AFDN: variants seen among roughly 807,000 people sequenced by gnomAD.
AFDN encodes afadin, adherens junction formation factor, also known as afadin.
In AFDN, 68 loss-of-function variants were observed where a neutral mutation model predicts 216.6. The observed-to-expected ratio is 0.31, with a 90% CI of 0.26 to 0.38. The LOEUF (loss-of-function observed/expected upper bound fraction) is 0.38. Among genes scored for constraint, AFDN ranks in the 10% least tolerant of loss-of-function variants. The pLI is 1.00. For synonymous variants in AFDN, 868 were observed against 853.7 expected (o/e 1.02, Z -0.29); for missense variants, 2,136 against 2,342.0 (o/e 0.91, Z 1.82).
intron 15 of AFDN, 80 bp downstream of exon 15, chr6:167,911,569 G>T: frequency 3.1e-6 from 4 of 1,277,296 alleles, no homozygotes; most frequent in Non-Finnish European, 4.5e-6. Flanking sequence ...CTTCTTTAAG[G>T]CTTCTCATTT....
At chr6:167,918,704 CTT>C (rs1490924609) in intron 20 of AFDN, 29 bp from the exon 21 acceptor site, 4 of 1,610,658 alleles carry the variant, frequency 2.5e-6, no homozygotes, top group Non-Finnish European at 2.5e-6. Context: ...GTGAGCATCT[CTT>C]TTTAATTTTG....
chr6:167,937,709 A>C (rs1794182434), intron 23 of AFDN, among the ~76,000 whole-genome samples: 1 of 152,248 alleles, frequency 6.6e-6, no homozygotes, highest in South Asian at 2.1e-4. Flanking sequence ...CCTGACAATC[A>C]TGGATTTGAG....
Position 167,839,775 on chromosome 6 carries a change from A to C in AFDN, c.105+12538A>C, listed in dbSNP as rs139607704. Reference sequence around the variant, plus strand: ...CTTTTTCTCAAAAAGCTCCCATTTCAGTATGGGAGATAAATTGGGGAAAAA... The same window carrying C: ...CTTTTTCTCAAAAAGCTCCCATTTCCGTATGGGAGATAAATTGGGGAAAAA... On this transcript the variant is annotated intron_variant, in intron 1 of 33. Transcript: ENST00000683244. Among the ~76,000 whole-genome samples the C allele has an allele frequency of 3.8e-3, 582 of 152,320 alleles. 2 individuals are homozygous for C. The highest frequency in any genetic ancestry group is 0.013 in the African/African-American group (547 of 41,566).
chr6:167,963,451 A>G lies in AFDN; in HGVS notation c.4968+884A>G, dbSNP rs574424131. On this transcript the variant is annotated intron_variant, in intron 31 of 33. Coordinates refer to ENST00000683244, the MANE Select transcript of AFDN (RefSeq NM_001386888.1). The stretch of plus-strand genomic sequence containing the variant: ...TTTTATTAATAATTCCTTCTTGGAT[A>G]GTCTAGTGAACTATATTAATAGAAC... 1,159 of 1,053,094 alleles carry G rather than the reference A, an allele frequency of 1.1e-3. 5 individuals carry two copies. In the African/African-American group the frequency reaches 0.018, roughly 16 times the overall value. 65.2% of individuals were successfully genotyped at this position (1,053,094 alleles called of 1,614,324 possible). A position where few individuals can be genotyped will look rare whatever the true frequency, so the allele number is the denominator to read the frequency against.
rs1007667702 is a variant in AFDN at position 167,948,039 on chromosome 6, A to G, written c.3645+95A>G. 4 of 944,554 alleles carry G rather than the reference A, an allele frequency of 4.2e-6. No individual in the cohort carries two copies. The African/African-American group carries it at 6.7e-5, about 16-fold the overall frequency. The allele number at this position is 944,554 out of a possible 1,614,324, so 58.5% of individuals were successfully genotyped here. ...GTTATCTAGTACAATTTTTACTCTG[A>G]ATTAGCATTGATTATAATTTCTAAA... On this transcript the variant is annotated intron_variant, in intron 28 of 33. Coordinates refer to ENST00000683244, the MANE Select transcript of AFDN (RefSeq NM_001386888.1).
intron 26 of AFDN, among the ~76,000 whole-genome samples, chr6:167,945,599 C>T (rs1393867270): frequency 6.6e-6 from 1 of 152,198 alleles, no homozygotes; most frequent in Non-Finnish European, 1.5e-5. Flanking sequence ...CATTGTACTA[C>T]AGCTTTACAC....
intron 1 of AFDN, among the ~76,000 whole-genome samples, chr6:167,847,946 C>T (rs1488641335): frequency 2.0e-5 from 3 of 152,108 alleles, no homozygotes; most frequent in Non-Finnish European, 4.4e-5. Flanking sequence ...CTGCTATAGC[C>T]ACAAGGGGCC....
intron 1 of AFDN, among the ~76,000 whole-genome samples, chr6:167,834,973 T>G (rs1392604266): frequency 2.0e-5 from 3 of 152,102 alleles, no homozygotes; most frequent in African/African-American, 7.2e-5. Flanking sequence ...GGTGACAGAG[T>G]GAGACCCCAT....
At chr6:167,868,285 C>CCTAT in intron 2 of AFDN, among the ~76,000 whole-genome samples, 1 of 152,222 alleles carries the variant, frequency 6.6e-6, no homozygotes, top group African/African-American at 2.4e-5. Flanking sequence ...GTAGCATGTA[C>CCTAT]CTATAGTCAC....
chr6:167,850,856 T>C (rs1583154964), intron 1 of AFDN, among the ~76,000 whole-genome samples: 1 of 146,530 alleles, frequency 6.8e-6, no homozygotes, highest in Admixed American at 7.0e-5. Flanking sequence ...TCTCAGAAAT[T>C]GTATTTCAAC....
At chr6:167,877,377 G>C (rs1785506944) in intron 5 of AFDN, among the ~76,000 whole-genome samples, 1 of 152,166 alleles carries the variant, frequency 6.6e-6, no homozygotes. Context: ...AGTGTTAGGA[G>C]ACAGTGTATA....
At chr6:167,872,503 G>A in intron 4 of AFDN, 126 bp downstream of exon 4, 1 of 1,041,616 alleles carries the variant, frequency 9.6e-7, no homozygotes. Context: ...AATGTGTTTG[G>A]GTCTACTCCC....
At chr6:167,906,434 A>AT (rs910848478) in intron 12 of AFDN, among the ~76,000 whole-genome samples, 9 of 152,190 alleles carry the variant, frequency 5.9e-5, no homozygotes, top group Admixed American at 1.3e-4. Context: ...GAGAAACATG[A>AT]TTTTTTATTT....
At chr6:167,942,393 C>T (rs1428510439) in intron 23 of AFDN, among the ~76,000 whole-genome samples, 2 of 152,162 alleles carry the variant, frequency 1.3e-5, no homozygotes, top group Admixed American at 1.3e-4. Flanking sequence ...AGTTGTATAA[C>T]CTTGTCCATA....
chr6:167,948,184 G>A (rs1021120501), intron 28 of AFDN, 109 bp from the exon 29 acceptor site: 5 of 931,368 alleles, frequency 5.4e-6, no homozygotes, highest in African/African-American at 3.4e-5. Context: ...ACTTTTTAAT[G>A]CAGTATTTAA....
chr6:167,902,194 C>G, intron 11 of AFDN, 123 bp from the exon 12 acceptor site: 1 of 633,434 alleles, frequency 1.6e-6, no homozygotes, highest in Admixed American at 2.8e-5. Context: ...GTGCTGAAAA[C>G]AGAGCAATTT....
chr6:167,843,149 A>G (rs1201253652), intron 1 of AFDN, among the ~76,000 whole-genome samples: 4 of 152,152 alleles, frequency 2.6e-5, no homozygotes, highest in African/African-American at 9.7e-5. Flanking sequence ...AGATTAGCCT[A>G]TGTGCAAATA....
intron 31 of AFDN, chr6:167,964,570 G>A: frequency 3.8e-6 from 4 of 1,064,424 alleles, no homozygotes; most frequent in Non-Finnish European, 3.4e-6. Context: ...ATTCTTAAGA[G>A]TTTTCTCCCT....
At chr6:167,921,722 A>C (rs1338270868) in intron 21 of AFDN, among the ~76,000 whole-genome samples, 1 of 152,180 alleles carries the variant, frequency 6.6e-6, no homozygotes, top group African/African-American at 2.4e-5. Context: ...ATCATGATAA[A>C]TTAGTGATTC....
Sources: allele counts gnomAD v4.1 joint callset (sites outside exome capture counted in the v4.1 genomes callset), GRCh38; gene constraint gnomAD v4.1.1; transcripts MANE v1.5; gene names NCBI Gene and HGNC (gene_info 2026-07-23, HGNC 2026-07-21).